The following ASH1L variants were observed in gnomAD, a reference collection of about 807,000 sequenced individuals.
ASH1L encodes ASH1 like histone lysine methyltransferase.
A neutral mutation model predicts 269.0 loss-of-function variants in ASH1L; 23 were observed. The ratio of observed to expected loss-of-function variants is 0.09; its 90% CI spans 0.06 to 0.12. The LOEUF is 0.12. Ranked by LOEUF, ASH1L falls within the 10% of genes least tolerant of loss-of-function variation. The probability of loss-of-function intolerance (pLI) is 1.00; values close to 1 mark genes in which losing one functional copy is unlikely to be tolerated. For synonymous variants in ASH1L, 1,187 were observed against 1,253.5 expected (o/e 0.95, Z 1.12); for missense variants, 2,912 against 3,567.8 (o/e 0.82, Z 4.68).
At chr1:155,518,247 G>A (rs1191833903) in intron 2 of ASH1L, among the ~76,000 whole-genome samples, 1 of 152,026 alleles carries the variant, frequency 6.6e-6, no homozygotes, top group Non-Finnish European at 1.5e-5. Flanking sequence ...AATACAAAAC[G>A]GATCACAGAT....
Position 155,491,883 on chromosome 1 carries a change from G to C in ASH1L, c.421-9434C>G, listed in dbSNP as rs148204377. 3.1e-4 allele frequency among the ~76,000 whole-genome samples: 47 copies of C among 152,094 alleles called. No homozygotes were observed. In the East Asian group the frequency reaches 8.9e-3, roughly 29 times the overall value. ...AGATGGAGTCTCACCATGTTGGCCA[G>C]GCTGGTCTCGAACTCTGGACCTCAA... On this transcript the variant is annotated intron_variant, in intron 2 of 27. Transcript: ENST00000392403.
intron 2 of ASH1L, among the ~76,000 whole-genome samples, chr1:155,504,793 G>A (rs1194654242): frequency 2.7e-5 from 4 of 150,924 alleles, no homozygotes; most frequent in African/African-American, 9.8e-5. Flanking sequence ...GGCAGAGGTT[G>A]CAGTGAGCTG....
intron 25 of ASH1L, among the ~76,000 whole-genome samples, chr1:155,339,580 G>A (rs1652599594): frequency 6.6e-6 from 1 of 152,120 alleles, no homozygotes; most frequent in South Asian, 2.1e-4. Flanking sequence ...AGGGATAAGT[G>A]CACAATTTTC....
intron 1 of ASH1L, among the ~76,000 whole-genome samples, chr1:155,546,122 C>T (rs1051347987): frequency 7.0e-6 from 1 of 142,368 alleles, no homozygotes; most frequent in Non-Finnish European, 1.5e-5. Flanking sequence ...GGTGCCACTG[C>T]ACGCCAGCTT....
intron 1 of ASH1L, among the ~76,000 whole-genome samples, chr1:155,524,880 A>G (rs1026537186): frequency 1.2e-4 from 19 of 152,162 alleles, no homozygotes; most frequent in African/African-American, 4.3e-4. Context: ...GAAAAAATAA[A>G]TAATAAAATG....
At chr1:155,439,255 T>C (rs532834296) in intron 4 of ASH1L, among the ~76,000 whole-genome samples, 187 bp from the exon 5 acceptor site, 36 of 152,308 alleles carry the variant, frequency 2.4e-4, no homozygotes, top group African/African-American at 7.0e-4. Context: ...TTGGCCTATA[T>C]TTCTCTAATA....
intron 2 of ASH1L, among the ~76,000 whole-genome samples, chr1:155,503,055 A>G (rs1214315009): frequency 6.6e-6 from 1 of 152,170 alleles, no homozygotes; most frequent in Non-Finnish European, 1.5e-5. Flanking sequence ...TCTCCTCAGC[A>G]ATCTTTTGGA....
In ASH1L at chr1:155,347,853, T is replaced by C; in HGVS notation, c.7606A>G (p.Lys2536Glu). The C allele has an allele frequency of 6.2e-7, 1 of 1,614,220 alleles. No individual in the cohort carries two copies. Among genetic ancestry groups the C allele is most frequent in the Non-Finnish European group, 8.5e-7 (1 of 1,180,028 alleles). The part of the protein sequence containing the change: ...PVGRDVCRLR[K>E]AYYNARHEAS... Reference sequence around the variant, plus strand: ...TCATGCCGGGCATTGTAATAGGCCTTTCGTAGACGACAAACATCTCTCCCA... The same window carrying C: ...TCATGCCGGGCATTGTAATAGGCCTCTCGTAGACGACAAACATCTCTCCCA... The change falls in exon 20 of 28, where the codon AAG becomes GAG. Residue 2536 changes from lysine (K) to glutamate (E), a missense_variant. Lys to Glu is a moderately conservative substitution (Grantham distance 56, BLOSUM62 1). Around this residue, in one of 13 missense-constraint regions of ASH1L, gnomAD observed 309 missense variants for 435.1 expected, o/e 0.71. Coordinates refer to ENST00000392403, the MANE Select transcript of ASH1L (RefSeq NM_018489.3).
At chr1:155,444,827 C>T (rs912180725) in intron 4 of ASH1L, among the ~76,000 whole-genome samples, 24 of 141,130 alleles carry the variant, frequency 1.7e-4, no homozygotes, top group Non-Finnish European at 2.5e-4. Context: ...CCGTTTTAGC[C>T]GGGATGGTCT....
chr1:155,361,826 T>C (rs1212656921), intron 12 of ASH1L, among the ~76,000 whole-genome samples: 2 of 134,554 alleles, frequency 1.5e-5, no homozygotes, highest in African/African-American at 2.9e-5. Flanking sequence ...TGAGCTGAGA[T>C]CATGCCACTG....
At chr1:155,369,014 T>C (rs937488197) in intron 12 of ASH1L, among the ~76,000 whole-genome samples, 1 of 152,208 alleles carries the variant, frequency 6.6e-6, no homozygotes, top group African/African-American at 2.4e-5. Flanking sequence ...ATCAGATCAG[T>C]GCTTGCTTTG....
intron 4 of ASH1L, 108 bp from the exon 5 acceptor site, chr1:155,439,176 T>G (rs1662346343): frequency 5.9e-6 from 7 of 1,176,860 alleles, no homozygotes; most frequent in Non-Finnish European, 8.2e-6. Flanking sequence ...CATAGCAAGA[T>G]TACACATCAT....
intron 1 of ASH1L, among the ~76,000 whole-genome samples, chr1:155,554,191 T>G (rs1193755648): frequency 6.6e-6 from 1 of 151,904 alleles, no homozygotes. Flanking sequence ...CTCAAGTGAT[T>G]CTCTCACCTC....
intron 7 of ASH1L, among the ~76,000 whole-genome samples, chr1:155,393,654 A>G (rs1553251029): frequency 6.6e-6 from 1 of 150,858 alleles, no homozygotes; most frequent in Non-Finnish European, 1.5e-5. Context: ...TCCTGGGTTC[A>G]CGCCATTCTC....
intron 4 of ASH1L, among the ~76,000 whole-genome samples, chr1:155,451,625 G>C (rs1169355795): frequency 6.6e-6 from 1 of 152,030 alleles, no homozygotes; most frequent in Non-Finnish European, 1.5e-5. Flanking sequence ...CTGGCGTGGT[G>C]GTGGACACCT....
At chr1:155,391,822 A>T (rs984184893) in intron 7 of ASH1L, among the ~76,000 whole-genome samples, 1 of 151,958 alleles carries the variant, frequency 6.6e-6, no homozygotes, top group Non-Finnish European at 1.5e-5. Flanking sequence ...CAAGTGTGGT[A>T]GTGCATGCCT....
rs958365833 is a variant in ASH1L, at chr1:155,471,048, G to A, written c.4984+6838C>T. On this transcript the variant is annotated intron_variant, in intron 3 of 27. Coordinates refer to ENST00000392403, the MANE Select transcript of ASH1L (RefSeq NM_018489.3). ...TTAACTAAAAACTTTTCCTCGACTG[G>A]TTTTTGTTAAGACAACTAAACCTAT... Among the ~76,000 whole-genome samples the A allele has an allele frequency of 3.3e-5, 5 of 152,050 alleles. No homozygotes were observed. The East Asian group carries it at 5.8e-4, about 18-fold the overall frequency.
At chr1:155,349,718 T>A (rs1219592746) in intron 17 of ASH1L, 122 bp from the exon 18 acceptor site, 1 of 904,614 alleles carries the variant, frequency 1.1e-6, no homozygotes, top group African/African-American at 1.9e-5. Context: ...TCTTTTTTTT[T>A]TTTTTTTTTT....
chr1:155,451,568 T>G (rs1663472257), intron 4 of ASH1L, among the ~76,000 whole-genome samples: 1 of 152,116 alleles, frequency 6.6e-6, no homozygotes, highest in South Asian at 2.1e-4. Context: ...AAGACCAGCC[T>G]GGCCAGCATG....
Sources: gnomAD v4.1 joint callset for allele counts (sites outside exome capture counted in the v4.1 genomes callset) on GRCh38, gnomAD v4.1.1 for gene constraint, gnomAD v4.1.1 regional missense constraint, MANE v1.5 for transcripts, NCBI Gene and HGNC (gene_info 2026-07-23, HGNC 2026-07-21) for gene names.